NBEAL1: variants seen among roughly 807,000 people sequenced by gnomAD.
NBEAL1 encodes neurobeachin like 1, also known as neurobeachin-like protein 1.
NBEAL1 carries 273 observed loss-of-function variants against 351.3 expected under a neutral mutation model. The observed-to-expected ratio is 0.78, with a 90% CI of 0.70 to 0.86. The LOEUF (loss-of-function observed/expected upper bound fraction) is 0.86, where lower values mean the gene tolerates loss of function less well. Among genes scored for constraint, NBEAL1 ranks in the 40% least tolerant of loss-of-function variants. NBEAL1 has a pLI of 0.00. For synonymous variants in NBEAL1, 1,050 were observed against 1,086.4 expected, an observed-to-expected ratio of 0.97 and a Z score of 0.66; for missense variants, 2,961 against 3,201.3, an observed-to-expected ratio of 0.92 and a Z score of 1.81.
In NBEAL1 at chr2:203,130,483, A is replaced by G. The variant is rs1279524109; in HGVS notation, c.3564+7A>G. ...AAGAGAAATCATTTTTAAGGTACAA[A>G]CATTTCTTAAACATCTTTGTATTTT... On this transcript the variant is annotated splice_region_variant and intron_variant, in intron 25 of 55. Coordinates refer to ENST00000683969, the MANE Select transcript of NBEAL1 (RefSeq NM_001378026.1). The G allele has an allele frequency of 3.6e-6, 5 of 1,404,396 alleles. No homozygotes were observed. Among genetic ancestry groups the G allele is most frequent in the African/African-American group, 1.5e-5 (1 of 65,742 alleles). The allele number at this position is 1,404,396 out of a possible 1,614,324, so 87.0% of individuals were successfully genotyped here. A position where few individuals can be genotyped will look rare whatever the true frequency, so the allele number is the denominator to read the frequency against.
In NBEAL1 at chr2:203,049,761, A is replaced by G. The variant is rs921683453; in HGVS notation, c.144-53A>G. 10 of 1,434,140 alleles carry G rather than the reference A, an allele frequency of 7.0e-6. 1 individual carries two copies. Among genetic ancestry groups the G allele is most frequent in the South Asian group, 5.6e-5 (4 of 71,478 alleles). The allele number at this position is 1,434,140 out of a possible 1,614,324, so 88.8% of individuals were successfully genotyped here. ...AATGAAGTTCATTTAAATGCCAGAG[A>G]TTTTCTTCTTGTATTTCAACAGGCT... On this transcript the variant is annotated intron_variant, in intron 3 of 55. Coordinates refer to ENST00000683969, the MANE Select transcript of NBEAL1 (RefSeq NM_001378026.1).
At chr2:203,059,428 C>G (rs2061459913) in intron 6 of NBEAL1, among the ~76,000 whole-genome samples, 1 of 152,218 alleles carries the variant, frequency 6.6e-6, no homozygotes, top group African/African-American at 2.4e-5. Context: ...TACTAAAGAT[C>G]CCAGGCTAAC....
At position 203,220,483 on chromosome 2, in the gene NBEAL1, CAA is replaced by C. The variant is rs968981661; in HGVS notation, c.*3141_*3142del. The stretch of plus-strand genomic sequence containing the variant: ...TGGGCAACAGGGCAAGACTCCATCT[CAA>C]AAAAAAAAAAAGTCTGTTATCTTTG... On this transcript the variant is annotated 3_prime_UTR_variant, in exon 56 of 56. Transcript: ENST00000683969. 7.3e-6 allele frequency among the ~76,000 whole-genome samples: 1 copy of C among 136,126 alleles called. No homozygotes were observed. Among genetic ancestry groups the C allele is most frequent in the Admixed American group, 7.3e-5 (1 of 13,622 alleles). 89.3% of individuals were successfully genotyped at this position (136,126 alleles called of 152,430 possible).
rs557439831 is a variant in NBEAL1 at position 203,212,219 on chromosome 2, C to T, written c.7934+1113C>T. 1.1e-3 allele frequency among the ~76,000 whole-genome samples: 172 copies of T among 152,102 alleles called. 1 individual carries two copies. Among genetic ancestry groups the T allele is most frequent in the Admixed American group, 3.6e-3 (55 of 15,272 alleles). Reference sequence around the variant, plus strand: ...TTCTGGGCTTCTTACCCACCACTCACTTATGAATCAACAAGGCAAAAAGCA... The same window carrying T: ...TTCTGGGCTTCTTACCCACCACTCATTTATGAATCAACAAGGCAAAAAGCA... On this transcript the variant is annotated intron_variant, in intron 54 of 55. Coordinates refer to ENST00000683969, the MANE Select transcript of NBEAL1 (RefSeq NM_001378026.1).
chr2:203,048,556 G>C (rs926156466), intron 3 of NBEAL1, among the ~76,000 whole-genome samples: 1 of 152,072 alleles, frequency 6.6e-6, no homozygotes, highest in Non-Finnish European at 1.5e-5. Flanking sequence ...GTGCTCATCT[G>C]CGTAGCCCAC....
At chr2:203,103,903 C>T (rs1004292761) in intron 12 of NBEAL1, among the ~76,000 whole-genome samples, 20 of 152,030 alleles carry the variant, frequency 1.3e-4, no homozygotes, top group African/African-American at 4.3e-4. Context: ...TTCATGTAAG[C>T]GTGTGGTTTT....
intron 27 of NBEAL1, among the ~76,000 whole-genome samples, chr2:203,135,395 A>G (rs908827845): frequency 6.6e-6 from 1 of 152,244 alleles, no homozygotes; most frequent in Non-Finnish European, 1.5e-5. Flanking sequence ...ATTATTTAAC[A>G]TATACCATCA....
intron 42 of NBEAL1, among the ~76,000 whole-genome samples, chr2:203,179,456 G>A (rs2064631282): frequency 6.6e-6 from 1 of 151,916 alleles, no homozygotes. Context: ...ACTCCAGTCT[G>A]GGCAACATAG....
intron 10 of NBEAL1, among the ~76,000 whole-genome samples, chr2:203,094,349 T>C (rs906075951): frequency 6.6e-6 from 1 of 152,232 alleles, no homozygotes; most frequent in African/African-American, 2.4e-5. Flanking sequence ...TCCCCAAATA[T>C]ACCGCATGAT....
At chr2:203,175,750 T>C (rs2064480160) in intron 42 of NBEAL1, among the ~76,000 whole-genome samples, 1 of 152,236 alleles carries the variant, frequency 6.6e-6, no homozygotes, top group Admixed American at 6.5e-5. Context: ...ATGTTGTACA[T>C]TTTCCTAATC....
chr2:203,187,525 A>G (rs1575103757), intron 44 of NBEAL1, among the ~76,000 whole-genome samples: 2 of 151,586 alleles, frequency 1.3e-5, no homozygotes, highest in African/African-American at 2.4e-5. Flanking sequence ...GGATCACCTG[A>G]GGTCAGGAGT....
At position 203,217,609 on chromosome 2, in the gene NBEAL1, G is replaced by T. The variant is rs2065911018; in HGVS notation, c.*255G>T. 6 of 1,045,716 alleles carry T rather than the reference G, an allele frequency of 5.7e-6. No individual in the cohort carries two copies. In the South Asian group the frequency reaches 2.3e-4, roughly 40 times the overall value. The allele number at this position is 1,045,716 out of a possible 1,614,324, so 64.8% of individuals were successfully genotyped here. ...CCATTTTTAAAACAAACTAAAATGA[G>T]AACATTAGGTTCAATTTTCTTATTA... On this transcript the variant is annotated 3_prime_UTR_variant, in exon 56 of 56. Transcript: ENST00000683969.
rs1467822906 is a variant in NBEAL1 at position 203,125,465 on chromosome 2, A to G, written c.2796A>G (p.Glu932=). 6.5e-7 allele frequency: 1 copy of G among 1,545,920 alleles called. No homozygotes were observed. The highest frequency in any genetic ancestry group is 8.7e-7 in the Non-Finnish European group (1 of 1,144,580). ...PEEKNESTVP[E]SVTPVEGDWL... ...AAAAGAATGAAAGCACAGTTCCTGA[A>G]TCAGTAACACCTGTTGAAGGAGATT... Residue 932 remains glutamate, a synonymous_variant, in exon 20 of 56, where the codon GAA becomes GAG. Transcript: ENST00000683969.
In NBEAL1 at chr2:203,217,239, ATTACT is replaced by A; in HGVS notation, c.8071-9_8071-5del. The A allele has an allele frequency of 6.8e-7, 1 of 1,474,792 alleles. No homozygotes were observed. Among genetic ancestry groups the A allele is most frequent in the Non-Finnish European group, 9.0e-7 (1 of 1,107,320 alleles). 91.4% of individuals were successfully genotyped at this position (1,474,792 alleles called of 1,614,324 possible). On this transcript the variant is annotated splice_polypyrimidine_tract_variant and intron_variant, in intron 55 of 55. Transcript: ENST00000683969. Reference sequence around the variant, plus strand: ...TAATATTTATTCTTCATTTCTTTGGATTACTTTACACAGATGCGTTCAGGTCAGCT... The same window carrying A: ...TAATATTTATTCTTCATTTCTTTGGATTACACAGATGCGTTCAGGTCAGCT...
intron 10 of NBEAL1, among the ~76,000 whole-genome samples, chr2:203,093,018 G>C (rs539219112): frequency 1.3e-5 from 2 of 151,998 alleles, no homozygotes; most frequent in South Asian, 4.2e-4. Flanking sequence ...GGATCACAAG[G>C]TTAGGAGATT....
intron 16 of NBEAL1, 112 bp downstream of exon 16, chr2:203,112,210 A>G: frequency 1.7e-6 from 2 of 1,159,694 alleles, no homozygotes; most frequent in South Asian, 1.8e-5. Context: ...CAGATTTTAA[A>G]GTGTTTTCTA....
At chr2:203,090,550 T>C (rs59879855) in intron 10 of NBEAL1, among the ~76,000 whole-genome samples, 72,028 of 151,968 alleles carry the variant, frequency 0.47, 18,488 homozygotes, top group Middle Eastern at 0.68. Context: ...AAATAAATTA[T>C]ATATGATTAT....
At chr2:203,038,684 C>T (rs1319211123) in intron 2 of NBEAL1, among the ~76,000 whole-genome samples, 2 of 148,736 alleles carry the variant, frequency 1.3e-5, no homozygotes, top group Non-Finnish European at 3.0e-5. Context: ...ATAGGTTTCA[C>T]AAGTGCAGAG....
chr2:203,197,257 AT>A (rs1361654755), intron 47 of NBEAL1, 44 bp from the exon 48 acceptor site: 1 of 1,119,040 alleles, frequency 8.9e-7, no homozygotes, highest in African/African-American at 1.5e-5. Flanking sequence ...TTTGTACCTA[AT>A]AAAGATGAGC....
Sources: allele counts gnomAD v4.1 joint callset (sites outside exome capture counted in the v4.1 genomes callset), GRCh38; gene constraint gnomAD v4.1.1; transcripts MANE v1.5; gene names NCBI Gene and HGNC (gene_info 2026-07-23, HGNC 2026-07-21).